Variants in PLXNA4 observed in about 807,000 individuals in gnomAD.
PLXNA4 encodes plexin-A4.
In PLXNA4, 44 loss-of-function variants were observed where a neutral mutation model predicts 191.8. That is an observed-to-expected ratio of 0.23 (90% CI 0.18 to 0.29). PLXNA4 has a LOEUF of 0.29. PLXNA4 is among the 10% of genes least tolerant of loss of function. The pLI is 1.00. For synonymous variants in PLXNA4, 1,082 were observed against 1,009.5 expected (o/e 1.07, Z -1.36); for missense variants, 1,800 against 2,488.8 (o/e 0.72, Z 5.89).
chr7:132,628,101 T>C (rs1803417634), intron 2 of PLXNA4, among the ~76,000 whole-genome samples: 1 of 152,218 alleles, frequency 6.6e-6, no homozygotes, highest in Non-Finnish European at 1.5e-5. Context: ...GTGGAACACA[T>C]TTTCTAACAG....
intron 4 of PLXNA4, among the ~76,000 whole-genome samples, chr7:132,274,004 TAA>T (rs5887563): frequency 6.8e-6 from 1 of 147,108 alleles, no homozygotes; most frequent in Non-Finnish European, 1.5e-5. Context: ...TATTCAGCAG[TAA>T]AAAAAAAAGG....
intron 3 of PLXNA4, among the ~76,000 whole-genome samples, chr7:132,442,965 TAG>T (rs1795750709): frequency 6.6e-6 from 1 of 152,116 alleles, no homozygotes; most frequent in Admixed American, 6.5e-5. Context: ...TGCTGACAAA[TAG>T]AGTCGGCTCT....
At chr7:132,349,128 T>G (rs1277415859) in intron 3 of PLXNA4, among the ~76,000 whole-genome samples, 1 of 152,148 alleles carries the variant, frequency 6.6e-6, no homozygotes. Context: ...AAGGACCACA[T>G]GTTTGAGCTT....
chr7:132,328,837 G>T (rs1318523970), intron 3 of PLXNA4, among the ~76,000 whole-genome samples: 1 of 152,272 alleles, frequency 6.6e-6, no homozygotes, highest in Admixed American at 6.5e-5. Flanking sequence ...TTCCTGTCCT[G>T]CTCATGGCAA....
At chr7:132,457,330 T>C (rs146763665) in intron 3 of PLXNA4, among the ~76,000 whole-genome samples, 42 of 152,366 alleles carry the variant, frequency 2.8e-4, no homozygotes, top group East Asian at 2.7e-3. Context: ...TTTCAGATTA[T>C]TCATTACTGC....
chr7:132,154,831 T>C (rs1387089400), intron 25 of PLXNA4, among the ~76,000 whole-genome samples: 1 of 152,206 alleles, frequency 6.6e-6, no homozygotes, highest in Non-Finnish European at 1.5e-5. Flanking sequence ...GGCAGCCGGA[T>C]GCCCTGCTCC....
At chr7:132,164,961 G>A (rs953046296) in intron 23 of PLXNA4, among the ~76,000 whole-genome samples, 173 bp downstream of exon 23, 1 of 152,236 alleles carries the variant, frequency 6.6e-6, no homozygotes, top group Non-Finnish European at 1.5e-5. Flanking sequence ...AGCTATGATG[G>A]ACTGCAGGCC....
chr7:132,179,127 G>T (rs900008300), intron 20 of PLXNA4, among the ~76,000 whole-genome samples: 10 of 68,658 alleles, frequency 1.5e-4, no homozygotes, highest in Admixed American at 7.3e-4. Flanking sequence ...ATACACGTGC[G>T]TGCTCACACA....
intron 4 of PLXNA4, among the ~76,000 whole-genome samples, chr7:132,286,219 G>T (rs1236689927): frequency 6.6e-6 from 1 of 152,194 alleles, no homozygotes; most frequent in Non-Finnish European, 1.5e-5. Flanking sequence ...TTCTCTGATT[G>T]TGTACAGGGA....
chr7:132,274,004 T>C (rs1271562767), intron 4 of PLXNA4, among the ~76,000 whole-genome samples: 2 of 147,112 alleles, frequency 1.4e-5, no homozygotes, highest in Non-Finnish European at 3.0e-5. Flanking sequence ...TATTCAGCAG[T>C]AAAAAAAAAA....
rs201566452 is a variant in PLXNA4, at chr7:132,194,106, G to A, written c.2812C>T (p.Arg938Trp). The change falls in exon 14 of 32, where the codon CGG becomes TGG. Residue 938 changes from arginine to tryptophan, a missense_variant. By Grantham distance (101) the Arg-to-Trp change is moderately radical. Transcript: ENST00000321063. ...GFVEICVAVC[R>W]PEFMARSSQL... is the part of the protein sequence containing the mutation. ...GAGGACCGGGCCATGAATTCAGGCC[G>A]ACACACAGCCACGCAGATCTCCACG... The A allele has an allele frequency of 6.9e-5, 111 of 1,613,596 alleles. No homozygotes were observed. The East Asian group carries it at 7.8e-4, about 11-fold the overall frequency.
At chr7:132,624,920 A>G (rs1330160745) in intron 2 of PLXNA4, among the ~76,000 whole-genome samples, 1 of 152,204 alleles carries the variant, frequency 6.6e-6, no homozygotes, top group Non-Finnish European at 1.5e-5. Flanking sequence ...CCAAGTCCTC[A>G]GACTTTCTTC....
At chr7:132,537,703 G>C (rs1193307359) in intron 1 of PLXNA4, among the ~76,000 whole-genome samples, 3 of 152,226 alleles carry the variant, frequency 2.0e-5, no homozygotes, top group Admixed American at 6.5e-5. Context: ...GACAGGAAGA[G>C]AGAAGTGAAG....
At chr7:132,555,388 A>C (rs914530665) in intron 1 of PLXNA4, among the ~76,000 whole-genome samples, 2 of 152,276 alleles carry the variant, frequency 1.3e-5, no homozygotes, top group Non-Finnish European at 2.9e-5. Flanking sequence ...GTTGAAGCCC[A>C]GTGTTAGAAA....
chr7:132,373,196 A>G (rs1428929894), intron 3 of PLXNA4, among the ~76,000 whole-genome samples: 1 of 152,208 alleles, frequency 6.6e-6, no homozygotes, highest in Non-Finnish European at 1.5e-5. Context: ...AGCAGGCAAG[A>G]CAAGCCCTGG....
chr7:132,496,669 A>G (rs1001398192), intron 2 of PLXNA4, among the ~76,000 whole-genome samples: 1 of 152,100 alleles, frequency 6.6e-6, no homozygotes, highest in Non-Finnish European at 1.5e-5. Flanking sequence ...CAAAATGCTG[A>G]GATTATAGGC....
At chr7:132,625,243 C>A (rs1422814126) in intron 2 of PLXNA4, among the ~76,000 whole-genome samples, 1 of 152,136 alleles carries the variant, frequency 6.6e-6, no homozygotes, top group Non-Finnish European at 1.5e-5. Context: ...GAGAGTCATG[C>A]AACCACATGA....
chr7:132,220,810 CTTTT>C (rs35090579), intron 9 of PLXNA4, among the ~76,000 whole-genome samples: 5 of 100,786 alleles, frequency 5.0e-5, no homozygotes, highest in Admixed American at 1.1e-4. Context: ...TTATTTTATT[CTTTT>C]TTTTTTTTTT....
At chr7:132,317,944 G>A (rs1420974186) in intron 3 of PLXNA4, among the ~76,000 whole-genome samples, 2 of 152,210 alleles carry the variant, frequency 1.3e-5, no homozygotes, top group African/African-American at 4.8e-5. Flanking sequence ...GGCCAGGCAG[G>A]CACAGTTTGC....
Sources: allele counts gnomAD v4.1 joint callset (sites outside exome capture counted in the v4.1 genomes callset), GRCh38; gene constraint gnomAD v4.1.1; transcripts MANE v1.5; gene names NCBI Gene and HGNC (gene_info 2026-07-23, HGNC 2026-07-21).